Variants in KCNB2 observed in about 807,000 individuals in gnomAD.
KCNB2 encodes potassium voltage-gated channel subfamily B member 2, also known as delayed rectifier potassium channel protein.
In KCNB2, 15 loss-of-function variants were observed where a neutral mutation model predicts 61.5. The ratio of observed to expected loss-of-function variants is 0.24; its 90% CI spans 0.16 to 0.38. KCNB2 has a LOEUF of 0.38. KCNB2 is among the 10% of genes least tolerant of loss of function. The probability of loss-of-function intolerance (pLI) is 1.00; values close to 1 mark genes in which losing one functional copy is unlikely to be tolerated. For synonymous variants in KCNB2, 457 were observed against 446.0 expected (o/e 1.02, Z -0.31); for missense variants, 828 against 1,125.2 (o/e 0.74, Z 3.78).
At chr8:72,907,499 A>G (rs1232497547) in intron 2 of KCNB2, among the ~76,000 whole-genome samples, 2 of 152,218 alleles carry the variant, frequency 1.3e-5, no homozygotes, top group African/African-American at 2.4e-5. Flanking sequence ...GGAACAGATA[A>G]AGTCAATCCA....
rs1462021757 is a variant in KCNB2 at position 72,891,915 on chromosome 8, TG to T, written c.580-44018del. Among the ~76,000 whole-genome samples the T allele has an allele frequency of 2.0e-5, 3 of 152,300 alleles. No individual in the cohort carries two copies. The East Asian group carries it at 5.8e-4, about 29-fold the overall frequency. ...ATTTAATCAAATGTCATCCTTTTGA[TG>T]GATGACTGGTCACATGGGATTTTGA... On this transcript the variant is annotated intron_variant, in intron 2 of 2. Transcript: ENST00000523207.
At chr8:72,720,534 A>G (rs1013784914) in intron 2 of KCNB2, among the ~76,000 whole-genome samples, 22 of 152,062 alleles carry the variant, frequency 1.4e-4, no homozygotes, top group African/African-American at 5.1e-4. Flanking sequence ...TCTTCCCATC[A>G]TATTTGTTTC....
chr8:72,623,953 C>A (rs527867330), intron 2 of KCNB2, among the ~76,000 whole-genome samples: 3 of 152,230 alleles, frequency 2.0e-5, no homozygotes, highest in African/African-American at 7.2e-5. Context: ...TTTCATGTCC[C>A]CCCAGATGCT....
chr8:72,733,437 G>T (rs1807784217), intron 2 of KCNB2, among the ~76,000 whole-genome samples: 1 of 152,118 alleles, frequency 6.6e-6, no homozygotes, highest in Non-Finnish European at 1.5e-5. Context: ...CTAGCATAAT[G>T]GGTGAAAGCA....
chr8:72,921,652 G>C (rs558849696), intron 2 of KCNB2, among the ~76,000 whole-genome samples: 4 of 152,082 alleles, frequency 2.6e-5, no homozygotes, highest in African/African-American at 9.7e-5. Context: ...TTATTTTGTA[G>C]TATTTCCTTA....
chr8:72,721,501 G>A (rs1807548181), intron 2 of KCNB2, among the ~76,000 whole-genome samples: 1 of 152,182 alleles, frequency 6.6e-6, no homozygotes, highest in Non-Finnish European at 1.5e-5. Context: ...TGAGAGTAAG[G>A]TTATTGACTG....
At chr8:72,618,980 T>C in intron 2 of KCNB2, 1 of 331,436 alleles carries the variant, frequency 3.0e-6, no homozygotes, top group Non-Finnish European at 5.9e-6. Context: ...TGATTTCAAA[T>C]CTGAACTCCA....
chr8:72,551,627 G>A (rs1806345806), intron 1 of KCNB2, among the ~76,000 whole-genome samples: 1 of 152,146 alleles, frequency 6.6e-6, no homozygotes, highest in Non-Finnish European at 1.5e-5. Flanking sequence ...GCTCAAAGAA[G>A]TCTTCTTGGC....
intron 2 of KCNB2, among the ~76,000 whole-genome samples, chr8:72,631,493 C>CT (rs1257244816): frequency 6.6e-6 from 1 of 152,254 alleles, no homozygotes; most frequent in African/African-American, 2.4e-5. Context: ...CAAGTTTCCC[C>CT]TTTTTTATAA....
At chr8:72,578,315 A>G (rs1365014610) in intron 2 of KCNB2, among the ~76,000 whole-genome samples, 1 of 152,226 alleles carries the variant, frequency 6.6e-6, no homozygotes. Context: ...CTAAAAGGTG[A>G]TAATTTGCCA....
chr8:72,668,558 C>G (rs1019558726), intron 2 of KCNB2, among the ~76,000 whole-genome samples: 20 of 152,162 alleles, frequency 1.3e-4, no homozygotes, highest in Middle Eastern at 3.2e-3. Context: ...GTTCCTAGAG[C>G]AGACCAAAGC....
intron 2 of KCNB2, among the ~76,000 whole-genome samples, chr8:72,763,598 C>T (rs1189734399): frequency 6.6e-6 from 1 of 152,152 alleles, no homozygotes; most frequent in African/African-American, 2.4e-5. Context: ...AAAACCCAGA[C>T]TTCAATGTCT....
At chr8:72,696,034 A>C (rs568584503) in intron 2 of KCNB2, among the ~76,000 whole-genome samples, 3 of 152,318 alleles carry the variant, frequency 2.0e-5, no homozygotes, top group Non-Finnish European at 4.4e-5. Context: ...TCCTAAAGCG[A>C]TTTAGTAACT....
chr8:72,545,655 A>G (rs1395992417), intron 1 of KCNB2, among the ~76,000 whole-genome samples: 4 of 152,030 alleles, frequency 2.6e-5, no homozygotes, highest in Admixed American at 6.5e-5. Flanking sequence ...TAACCCTACA[A>G]TGACCTTTAA....
intron 2 of KCNB2, among the ~76,000 whole-genome samples, chr8:72,783,103 G>A (rs1808789805): frequency 6.6e-6 from 1 of 152,076 alleles, no homozygotes; most frequent in African/African-American, 2.4e-5. Flanking sequence ...CACTGCAATA[G>A]TTCTAAGAAC....
intron 2 of KCNB2, among the ~76,000 whole-genome samples, chr8:72,717,383 G>T (rs1807463878): frequency 6.6e-6 from 1 of 152,126 alleles, no homozygotes; most frequent in African/African-American, 2.4e-5. Flanking sequence ...GAACAAAGCT[G>T]GAGGCATCAC....
At chr8:72,904,520 A>T (rs1475028626) in intron 2 of KCNB2, among the ~76,000 whole-genome samples, 3 of 152,164 alleles carry the variant, frequency 2.0e-5, no homozygotes, top group African/African-American at 7.2e-5. Flanking sequence ...TGAACTTAAA[A>T]GTTGGACATT....
Position 72,705,704 on chromosome 8 carries a change from A to G in KCNB2, c.579+137391A>G, listed in dbSNP as rs183767854. ...GGAAGACAATCAAGCCAACTAAACC[A>G]CAGCATCTGGAGAATATGGGTGTCC... On this transcript the variant is annotated intron_variant, in intron 2 of 2. Coordinates refer to ENST00000523207, the MANE Select transcript of KCNB2 (RefSeq NM_004770.3). 2.8e-4 allele frequency among the ~76,000 whole-genome samples: 43 copies of G among 152,334 alleles called. No homozygotes were observed. The East Asian group carries it at 4.6e-3, about 16-fold the overall frequency.
intron 2 of KCNB2, among the ~76,000 whole-genome samples, chr8:72,690,252 A>T (rs1454639999): frequency 6.6e-6 from 1 of 152,170 alleles, no homozygotes; most frequent in Non-Finnish European, 1.5e-5. Flanking sequence ...ATTCCTTTGA[A>T]AGTAGATTTA....
Sources: gnomAD v4.1 joint callset for allele counts (sites outside exome capture counted in the v4.1 genomes callset) on GRCh38, gnomAD v4.1.1 for gene constraint, MANE v1.5 for transcripts, NCBI Gene and HGNC (gene_info 2026-07-23, HGNC 2026-07-21) for gene names.